Variants in ANKRD12 observed in about 807,000 individuals in gnomAD.
ANKRD12 encodes the protein ankyrin repeat domain-containing protein 12.
ANKRD12 carries 85 observed loss-of-function variants against 183.4 expected under a neutral mutation model. The ratio of observed to expected loss-of-function variants is 0.46; its 90% CI spans 0.39 to 0.56. ANKRD12 has a LOEUF of 0.56. Among genes scored for constraint, ANKRD12 ranks in the 20% least tolerant of loss-of-function variants. The probability of loss-of-function intolerance (pLI) is 0.00; values close to 1 mark genes in which losing one functional copy is unlikely to be tolerated. For synonymous variants in ANKRD12, 914 were observed against 800.2 expected (o/e 1.14, Z -2.40); for missense variants, 2,405 against 2,357.1 (o/e 1.02, Z -0.42).
At chr18:9,226,522 C>T (rs1211310996) in intron 8 of ANKRD12, among the ~76,000 whole-genome samples, 3 of 152,156 alleles carry the variant, frequency 2.0e-5, no homozygotes, top group Non-Finnish European at 1.5e-5. Context: ...TTATACCCAT[C>T]ATGATAAACA....
intron 1 of ANKRD12, among the ~76,000 whole-genome samples, chr18:9,157,585 G>GTGTATATATATATA (rs1472659778): frequency 2.2e-5 from 2 of 92,676 alleles, no homozygotes; most frequent in African/African-American, 1.1e-4. Flanking sequence ...GTGTGTGTGT[G>GTGTATATATATATA]TATATATATA....
At chr18:9,145,586 G>A (rs568259311) in intron 1 of ANKRD12, among the ~76,000 whole-genome samples, 9 of 152,246 alleles carry the variant, frequency 5.9e-5, no homozygotes, top group African/African-American at 2.2e-4. Flanking sequence ...ATTCCATCAC[G>A]TTGTAAATGG....
rs143469141 is a variant in ANKRD12, at chr18:9,184,575, C to T, written c.87+2056C>T. Among the ~76,000 whole-genome samples the T allele has an allele frequency of 6.1e-3, 925 of 152,146 alleles. 9 individuals are homozygous for T. The highest frequency in any genetic ancestry group is 0.021 in the African/African-American group (868 of 41,522). The stretch of plus-strand genomic sequence containing the variant: ...GCCCAGAGATAGGGTTTCATCATGT[C>T]GCCCAGTCTAGTCTGAAACTCCTGG... On this transcript the variant is annotated intron_variant, in intron 2 of 12. Coordinates refer to ENST00000262126, the MANE Select transcript of ANKRD12 (RefSeq NM_015208.5).
chr18:9,167,034 C>A (rs555971179), intron 1 of ANKRD12, among the ~76,000 whole-genome samples: 4 of 151,702 alleles, frequency 2.6e-5, no homozygotes, highest in African/African-American at 9.7e-5. Context: ...TGTAAATATG[C>A]GGCATTATTT....
chr18:9,282,844 A>G lies in ANKRD12; in HGVS notation c.*1718A>G, dbSNP rs1050019660. The G allele has an allele frequency of 2.8e-5, 4 of 143,900 alleles. No individual in the cohort carries two copies. Among genetic ancestry groups the G allele is most frequent in the African/African-American group, 9.8e-5 (4 of 40,922 alleles). 8.9% of individuals were successfully genotyped at this position (143,900 alleles called of 1,614,324 possible). On this transcript the variant is annotated 3_prime_UTR_variant, in exon 13 of 13. Transcript: ENST00000262126. ...TCTTACTGTACTTGGCATGCGCAATAAAGCAGCACATGTAAAAAAAAAATA... is the reference window on the plus strand; with the variant it reads ...TCTTACTGTACTTGGCATGCGCAATGAAGCAGCACATGTAAAAAAAAAATA...
chr18:9,231,456 A>G (rs2037041035), intron 8 of ANKRD12, among the ~76,000 whole-genome samples: 1 of 151,822 alleles, frequency 6.6e-6, no homozygotes, highest in Admixed American at 6.6e-5. Context: ...GAATTGTTAT[A>G]TTCTCTTGCT....
At chr18:9,186,815 G>C (rs1469680768) in intron 2 of ANKRD12, among the ~76,000 whole-genome samples, 1 of 148,034 alleles carries the variant, frequency 6.8e-6, no homozygotes, top group Non-Finnish European at 1.5e-5. Flanking sequence ...GGAGTGGCGC[G>C]ATCTCAGCTC....
chr18:9,176,796 A>G (rs1349377552), intron 1 of ANKRD12, among the ~76,000 whole-genome samples: 1 of 152,212 alleles, frequency 6.6e-6, no homozygotes, highest in Non-Finnish European at 1.5e-5. Context: ...ATATATTTTT[A>G]GTATCCCTTG....
At chr18:9,222,282 C>T (rs1248958475) in intron 8 of ANKRD12, among the ~76,000 whole-genome samples, 3 of 152,126 alleles carry the variant, frequency 2.0e-5, no homozygotes, top group Non-Finnish European at 4.4e-5. Context: ...GAACCTCTCC[C>T]CATGCAGAGC....
rs761624012 is a variant in ANKRD12 at position 9,258,117 on chromosome 18, A to G, written c.4850A>G (p.His1617Arg). 6.8e-6 allele frequency: 11 copies of G among 1,613,476 alleles called. No homozygotes were observed. In the African/African-American group the frequency reaches 1.2e-4, roughly 18 times the overall value. ...SKLTYKSSSGHEVENSTTDTQ... is the reference protein window; with the variant it reads ...SKLTYKSSSGREVENSTTDTQ... The stretch of plus-strand genomic sequence containing the variant: ...CTAACTTACAAGTCTTCCAGTGGCC[A>G]TGAAGTTGAGAATAGCACAACTGAT... Residue 1617 changes from histidine (H) to arginine (R), a missense_variant, in exon 9 of 13, where the codon CAT becomes CGT. His to Arg is a conservative substitution (Grantham distance 29). Coordinates refer to ENST00000262126, the MANE Select transcript of ANKRD12 (RefSeq NM_015208.5).
At chr18:9,272,904 C>T (rs1268365727) in intron 10 of ANKRD12, among the ~76,000 whole-genome samples, 2 of 151,890 alleles carry the variant, frequency 1.3e-5, no homozygotes, top group African/African-American at 4.8e-5. Flanking sequence ...CCTGTTTTCT[C>T]CATCAGGAGA....
chr18:9,150,779 G>A lies in ANKRD12; in HGVS notation c.-52+13814G>A, dbSNP rs796206241. 1.1e-4 allele frequency among the ~76,000 whole-genome samples: 17 copies of A among 151,978 alleles called. No individual in the cohort carries two copies. In the East Asian group the frequency reaches 3.3e-3, roughly 29 times the overall value. ...GGCCATTCTCCTGCCTCAGCCTCCCGAGTAGCTGGGACTACAGGCACCTGC... is the reference window on the plus strand; with the variant it reads ...GGCCATTCTCCTGCCTCAGCCTCCCAAGTAGCTGGGACTACAGGCACCTGC... On this transcript the variant is annotated intron_variant, in intron 1 of 12. Transcript: ENST00000262126.
intron 1 of ANKRD12, among the ~76,000 whole-genome samples, chr18:9,165,030 C>T (rs961419543): frequency 6.6e-6 from 1 of 152,122 alleles, no homozygotes; most frequent in Non-Finnish European, 1.5e-5. Flanking sequence ...ATGTGTGAGT[C>T]TAAGTCTCTT....
Position 9,281,028 on chromosome 18 carries a change from G to C in ANKRD12, c.6091G>C (p.Asp2031His). Reference protein sequence around the residue: ...LEWQLKLQELDPATYKSISIY... With the variant: ...LEWQLKLQELHPATYKSISIY... ...ATGGCAGCTCAAACTCCAGGAACTT[G>C]ATCCTGCCACCTATAAATCTATCAG... Residue 2031 changes from aspartate to histidine, a missense_variant, in exon 13 of 13, where the codon GAT becomes CAT. Transcript: ENST00000262126. 6.2e-7 allele frequency: 1 copy of C among 1,614,142 alleles called. No homozygotes were observed. The highest frequency in any genetic ancestry group is 8.5e-7 in the Non-Finnish European group (1 of 1,179,996).
intron 1 of ANKRD12, among the ~76,000 whole-genome samples, chr18:9,181,310 G>A (rs1385106069): frequency 1.3e-5 from 2 of 152,134 alleles, no homozygotes; most frequent in African/African-American, 4.8e-5. Flanking sequence ...CAAAACAAAA[G>A]AAATTTTAAA....
intron 3 of ANKRD12, among the ~76,000 whole-genome samples, chr18:9,195,954 G>T (rs2034759200): frequency 6.6e-6 from 1 of 151,942 alleles, no homozygotes; most frequent in Non-Finnish European, 1.5e-5. Flanking sequence ...AATTAATTTT[G>T]GGAGGAGCAT....
At chr18:9,172,844 G>A (rs558710910) in intron 1 of ANKRD12, among the ~76,000 whole-genome samples, 1 of 151,560 alleles carries the variant, frequency 6.6e-6, no homozygotes, top group Non-Finnish European at 1.5e-5. Context: ...TCTCATCTTT[G>A]TGGGCTTATC....
At position 9,284,283 on chromosome 18, in the gene ANKRD12, C is replaced by A. The variant is rs536813230; in HGVS notation, c.*3157C>A. ...CCTGTATTAGACATGCTACAAACTT[C>A]ATAACTGGAAACATCTCAAAGACCC... On this transcript the variant is annotated 3_prime_UTR_variant, in exon 13 of 13. Coordinates refer to ENST00000262126, the MANE Select transcript of ANKRD12 (RefSeq NM_015208.5). 6.4e-4 allele frequency: 97 copies of A among 152,266 alleles called. No individual in the cohort carries two copies. Among genetic ancestry groups the A allele is most frequent in the African/African-American group, 2.2e-3 (92 of 41,556 alleles). 9.4% of individuals were successfully genotyped at this position (152,266 alleles called of 1,614,324 possible). A position where few individuals can be genotyped will look rare whatever the true frequency, so the allele number is the denominator to read the frequency against.
chr18:9,246,801 T>C (rs1014709374), intron 8 of ANKRD12, among the ~76,000 whole-genome samples: 1 of 152,242 alleles, frequency 6.6e-6, no homozygotes, highest in Non-Finnish European at 1.5e-5. Flanking sequence ...GTGCCAGGTA[T>C]ATGTCAGGCA....
Sources: allele counts gnomAD v4.1 joint callset (sites outside exome capture counted in the v4.1 genomes callset), GRCh38; gene constraint gnomAD v4.1.1; transcripts MANE v1.5; gene names NCBI Gene and HGNC (gene_info 2026-07-23, HGNC 2026-07-21).